Variants in KIF5C observed in about 807,000 individuals in gnomAD.
KIF5C encodes kinesin family member 5C.
A neutral mutation model predicts 125.2 loss-of-function variants in KIF5C; 18 were observed. The ratio of observed to expected loss-of-function variants is 0.14; its 90% CI spans 0.10 to 0.21. The LOEUF is 0.21. KIF5C is among the 10% of genes least tolerant of loss of function. KIF5C has a pLI of 1.00. For missense variants in KIF5C, 780 were observed against 1,183.8 expected (o/e 0.66, Z 5.01); for synonymous variants, 405 against 434.0 (o/e 0.93, Z 0.83).
chr2:148,980,121 T>C (rs1295984317), intron 13 of KIF5C, among the ~76,000 whole-genome samples: 1 of 152,192 alleles, frequency 6.6e-6, no homozygotes, highest in African/African-American at 2.4e-5. Context: ...TTCCTTCCTC[T>C]TTGTTCCCTT....
At chr2:148,990,563 T>C (rs541927014) in intron 15 of KIF5C, among the ~76,000 whole-genome samples, 5 of 152,254 alleles carry the variant, frequency 3.3e-5, no homozygotes, top group Non-Finnish European at 7.3e-5. Flanking sequence ...CTTGTCTACC[T>C]GAATAAGCAC....
Position 148,929,177 on chromosome 2 carries a change from A to G in KIF5C, c.218-104A>G, listed in dbSNP as rs1033266350. On this transcript the variant is annotated intron_variant, in intron 2 of 25. Transcript: ENST00000435030. ...AGTTGAAATATATCATTTGTATGAA[A>G]AATGAGATGGGCCATTTGGAAAATG... 7 of 662,906 alleles carry G rather than the reference A, an allele frequency of 1.1e-5. No homozygotes were observed. The African/African-American group carries it at 1.3e-4, about 12-fold the overall frequency. 41.1% of individuals were successfully genotyped at this position (662,906 alleles called of 1,614,324 possible).
intron 11 of KIF5C, among the ~76,000 whole-genome samples, chr2:148,962,478 C>T (rs1012080302): frequency 5.3e-5 from 8 of 151,916 alleles, no homozygotes; most frequent in Non-Finnish European, 7.4e-5. Flanking sequence ...CGTGCCTGGC[C>T]GTGTGTGTGC....
chr2:148,982,840 A>T (rs953922895), intron 14 of KIF5C, among the ~76,000 whole-genome samples: 46 of 152,226 alleles, frequency 3.0e-4, no homozygotes, highest in Non-Finnish European at 6.0e-4. Flanking sequence ...GGTTTAGAAG[A>T]CTATTATTAG....
Position 148,950,665 on chromosome 2 carries a change from C to T in KIF5C, c.968+203C>T, listed in dbSNP as rs147491830. ...CTCTACTAAAAATACAAAAATTAGC[C>T]GGCCGTGGTGGCATGCGCCTGTGGT... On this transcript the variant is annotated intron_variant, in intron 10 of 25. Transcript: ENST00000435030. 6.1e-3 allele frequency among the ~76,000 whole-genome samples: 926 copies of T among 152,164 alleles called. 4 individuals carry two copies. The highest frequency in any genetic ancestry group is 0.021 in the African/African-American group (876 of 41,508).
intron 12 of KIF5C, among the ~76,000 whole-genome samples, chr2:148,975,206 G>C (rs192989187): frequency 6.6e-6 from 1 of 152,126 alleles, no homozygotes; most frequent in Non-Finnish European, 1.5e-5. Context: ...TCAGCCTTAG[G>C]GGGCACCAGA....
At chr2:148,951,393 G>A (rs549096731) in intron 10 of KIF5C, among the ~76,000 whole-genome samples, 7 of 152,208 alleles carry the variant, frequency 4.6e-5, no homozygotes, top group Middle Eastern at 3.4e-3. Context: ...CTCCATAATC[G>A]TAAAGCAAGA....
Position 148,875,587 on chromosome 2 carries a change from T to TCCCCCTGCCCCC in KIF5C, c.-27_-26insCTGCCCCCCCCC. ...GTTCCCGGCCCCGGCCCCCCACCCA[T>TCCCCCTGCCCCC]CCCCGTGCCCCCTCCCTACCGCCGG... On this transcript the variant is annotated 5_prime_UTR_variant, in exon 1 of 26. Transcript: ENST00000435030. The TCCCCCTGCCCCC allele has an allele frequency of 1.1e-5, 4 of 366,928 alleles. No individual in the cohort carries two copies. The highest frequency in any genetic ancestry group is 1.5e-5 in the Non-Finnish European group (3 of 201,704). The allele number at this position is 366,928 out of a possible 1,614,324, so 22.7% of individuals were successfully genotyped here.
chr2:148,998,533 G>A (rs1681745006), intron 19 of KIF5C, 24 bp downstream of exon 19: 2 of 1,551,310 alleles, frequency 1.3e-6, no homozygotes, highest in Non-Finnish European at 1.7e-6. Flanking sequence ...GGGCACCAGG[G>A]GTGTGGGGGT....
chr2:149,000,335 TA>T (rs1558941389), intron 19 of KIF5C, 87 bp from the exon 20 acceptor site: 1 of 1,476,136 alleles, frequency 6.8e-7, no homozygotes. Flanking sequence ...ACAGAGCTAA[TA>T]GGGTTGGAAC....
At chr2:148,953,512 C>T (rs1016745811) in intron 10 of KIF5C, among the ~76,000 whole-genome samples, 4 of 152,108 alleles carry the variant, frequency 2.6e-5, no homozygotes, top group African/African-American at 7.2e-5. Context: ...GACTGAACAT[C>T]GGATTAGACA....
intron 11 of KIF5C, among the ~76,000 whole-genome samples, chr2:148,962,480 T>C (rs1472531614): frequency 6.6e-6 from 1 of 151,770 alleles, no homozygotes. Flanking sequence ...TGCCTGGCCG[T>C]GTGTGTGCTT....
At chr2:149,000,217 C>T in intron 19 of KIF5C, 1 of 498,106 alleles carries the variant, frequency 2.0e-6, no homozygotes, top group Non-Finnish European at 3.4e-6. Flanking sequence ...CCTTATGTTT[C>T]ATGACTCTTA....
At position 149,024,275 on chromosome 2, in the gene KIF5C, A is replaced by T. The variant is rs886070562; in HGVS notation, c.*1205A>T. On this transcript the variant is annotated 3_prime_UTR_variant, in exon 26 of 26. Coordinates refer to ENST00000435030, the MANE Select transcript of KIF5C (RefSeq NM_004522.3). ...ACTTCCAGTTGTGCTTATTAAGAAGATCAATTTCCAAGTAGTAAAGTTTTC... is the reference window on the plus strand; with the variant it reads ...ACTTCCAGTTGTGCTTATTAAGAAGTTCAATTTCCAAGTAGTAAAGTTTTC... 4 of 152,574 alleles carry T rather than the reference A, an allele frequency of 2.6e-5. No individual in the cohort carries two copies. Among genetic ancestry groups the T allele is most frequent in the African/African-American group, 9.7e-5 (4 of 41,418 alleles). 9.5% of individuals were successfully genotyped at this position (152,574 alleles called of 1,614,324 possible). A position where few individuals can be genotyped will look rare whatever the true frequency, so the allele number is the denominator to read the frequency against.
intron 3 of KIF5C, among the ~76,000 whole-genome samples, chr2:148,933,641 C>G (rs1682223996): frequency 1.3e-5 from 2 of 151,436 alleles, no homozygotes; most frequent in South Asian, 4.2e-4. Flanking sequence ...TACCACACCC[C>G]ACATACATTG....
chr2:148,920,219 C>T (rs562902662), intron 1 of KIF5C, among the ~76,000 whole-genome samples: 20 of 152,296 alleles, frequency 1.3e-4, no homozygotes, highest in African/African-American at 4.6e-4. Context: ...TTTGGTGATT[C>T]TCATTGTTTG....
chr2:148,963,754 G>T (rs1459811193), intron 11 of KIF5C, among the ~76,000 whole-genome samples: 1 of 152,144 alleles, frequency 6.6e-6, no homozygotes, highest in African/African-American at 2.4e-5. Context: ...AGGATTGGGG[G>T]TGCTGGCTTT....
intron 1 of KIF5C, among the ~76,000 whole-genome samples, chr2:148,891,050 A>AT (rs1461976134): frequency 1.3e-5 from 2 of 152,034 alleles, no homozygotes; most frequent in African/African-American, 2.4e-5. Context: ...AATTTAAGGC[A>AT]TTTTTCTGTT....
At chr2:148,920,918 C>G (rs1574744981) in intron 1 of KIF5C, among the ~76,000 whole-genome samples, 1 of 152,336 alleles carries the variant, frequency 6.6e-6, no homozygotes, top group African/African-American at 2.4e-5. Flanking sequence ...TCTCCTCCCT[C>G]TCATCTTCTG....
Sources: allele counts gnomAD v4.1 joint callset (sites outside exome capture counted in the v4.1 genomes callset), GRCh38; gene constraint gnomAD v4.1.1; transcripts MANE v1.5; gene names NCBI Gene and HGNC (gene_info 2026-07-23, HGNC 2026-07-21).